Variants in MSH3 observed in about 807,000 individuals in gnomAD.
The protein encoded by MSH3 is mutS homolog 3, also known as DNA mismatch repair protein Msh3.
A neutral mutation model predicts 123.3 loss-of-function variants in MSH3; 106 were observed. The ratio of observed to expected loss-of-function variants is 0.86; its 90% confidence interval spans 0.73 to 1.01. The LOEUF (loss-of-function observed/expected upper bound fraction) is 1.01. Ranked by LOEUF, MSH3 falls within the 50% of genes least tolerant of loss-of-function variation. The probability of loss-of-function intolerance (pLI) is 0.00; values close to 1 mark genes in which losing one functional copy is unlikely to be tolerated. For missense variants in MSH3, 1,459 were observed against 1,347.6 expected, an observed-to-expected ratio of 1.08 and a Z score of -1.29; for synonymous variants, 515 against 481.4, an observed-to-expected ratio of 1.07 and a Z score of -0.91.
intron 23 of MSH3, among the ~76,000 whole-genome samples, chr5:80,874,832 A>C (rs960089520): frequency 6.6e-6 from 1 of 152,240 alleles, no homozygotes; most frequent in African/African-American, 2.4e-5. Context: ...CTAGTAAGTG[A>C]CATTTTGAAC....
intron 3 of MSH3, among the ~76,000 whole-genome samples, chr5:80,666,613 G>A (rs1398398782): frequency 1.3e-5 from 2 of 152,202 alleles, no homozygotes; most frequent in Non-Finnish European, 2.9e-5. Flanking sequence ...CAAGGTCTCA[G>A]AAGAGCGTAT....
chr5:80,694,828 A>T (rs1014360190), intron 8 of MSH3, among the ~76,000 whole-genome samples: 1 of 151,832 alleles, frequency 6.6e-6, no homozygotes, highest in Non-Finnish European at 1.5e-5. Flanking sequence ...TCAGATGAGA[A>T]ATCTACTATC....
At chr5:80,760,753 C>T (rs1397552800) in intron 12 of MSH3, among the ~76,000 whole-genome samples, 1 of 152,208 alleles carries the variant, frequency 6.6e-6, no homozygotes. Flanking sequence ...ACTGTGGGCT[C>T]AGGCTGATGG....
chr5:80,731,320 ACTGAAG>A (rs1743408035), intron 10 of MSH3, among the ~76,000 whole-genome samples: 1 of 152,178 alleles, frequency 6.6e-6, no homozygotes, highest in African/African-American at 2.4e-5. Flanking sequence ...CTCTTGATAA[ACTGAAG>A]CTGAACTTTT....
chr5:80,680,163 G>A (rs1028253611), intron 8 of MSH3, among the ~76,000 whole-genome samples: 4 of 151,886 alleles, frequency 2.6e-5, no homozygotes, highest in Admixed American at 6.6e-5. Context: ...CGGAGGCTGA[G>A]GCAGGATAAT....
intron 21 of MSH3, among the ~76,000 whole-genome samples, chr5:80,860,767 CTCTT>C (rs1291699709): frequency 2.6e-5 from 4 of 152,024 alleles, no homozygotes; most frequent in African/African-American, 9.7e-5. Context: ...GTTTCTTTCT[CTCTT>C]TATTTTCTCT....
intron 7 of MSH3, among the ~76,000 whole-genome samples, chr5:80,676,842 T>G (rs997411056): frequency 6.6e-6 from 1 of 152,246 alleles, no homozygotes; most frequent in Non-Finnish European, 1.5e-5. Flanking sequence ...ACAGAGTTGA[T>G]AGTATATAAT....
Position 80,816,876 on chromosome 5 carries a change from C to T in MSH3, c.2813+3135C>T, listed in dbSNP as rs376948124. ...GAAGAGGATGTTTTTTCATAGATTCCGACGTTATCTTTGTGTATAATAAGT... is the reference window on the plus strand; with the variant it reads ...GAAGAGGATGTTTTTTCATAGATTCTGACGTTATCTTTGTGTATAATAAGT... On this transcript the variant is annotated intron_variant, in intron 20 of 23. Transcript: ENST00000265081. 1.5e-4 allele frequency among the ~76,000 whole-genome samples: 23 copies of T among 152,194 alleles called. No individual in the cohort carries two copies. The East Asian group carries it at 1.7e-3, about 12-fold the overall frequency.
At chr5:80,744,457 G>A in intron 11 of MSH3, 49 bp from the exon 12 acceptor site, 1 of 1,317,390 alleles carries the variant, frequency 7.6e-7, no homozygotes, top group Non-Finnish European at 1.1e-6. Flanking sequence ...TAACAATTTG[G>A]CACAAATAAT....
rs763873895 is a variant in MSH3 at position 80,670,206 on chromosome 5, C to T, written c.689C>T (p.Thr230Met). 1.2e-5 allele frequency: 19 copies of T among 1,613,918 alleles called. No homozygotes were observed. Among genetic ancestry groups the T allele is most frequent in the South Asian group, 5.5e-5 (5 of 91,084 alleles). ...AACAAACGGTCCAAAAGCATCTATA[C>T]GCCGCTAGAATTACAATACATAGAA... ...SANKRSKSIY[T>M]PLELQYIEMK... Residue 230 changes from threonine to methionine, a missense_variant, in exon 4 of 24, where the codon ACG (threonine) becomes ATG (methionine). Physicochemically the swap from Thr to Met is moderately conservative, Grantham distance 81. Coordinates refer to ENST00000265081, the MANE Select transcript of MSH3 (RefSeq NM_002439.5).
intron 2 of MSH3, among the ~76,000 whole-genome samples, chr5:80,661,433 G>T (rs1030456315): frequency 5.3e-5 from 8 of 152,028 alleles, no homozygotes; most frequent in Admixed American, 1.3e-4. Context: ...CTAATCTGCT[G>T]TAAATCTCGT....
At chr5:80,709,209 A>ATGTGTG (rs139977038) in intron 8 of MSH3, among the ~76,000 whole-genome samples, 8,813 of 147,036 alleles carry the variant, frequency 0.06, 380 homozygotes, top group African/African-American at 0.13. Flanking sequence ...TAAAATAGAT[A>ATGTGTG]TGTGTGTGTG....
intron 2 of MSH3, among the ~76,000 whole-genome samples, chr5:80,663,209 T>C (rs1282925402): frequency 6.6e-6 from 1 of 152,118 alleles, no homozygotes; most frequent in Non-Finnish European, 1.5e-5. Context: ...TGAACGAAGG[T>C]TCATTGGTAC....
intron 12 of MSH3, among the ~76,000 whole-genome samples, chr5:80,751,570 TC>T (rs1743840508): frequency 6.6e-6 from 1 of 152,172 alleles, no homozygotes; most frequent in African/African-American, 2.4e-5. Flanking sequence ...CCTTTGGCGT[TC>T]CTTGGCTTGT....
chr5:80,674,512 G>T (rs967028647), intron 6 of MSH3, among the ~76,000 whole-genome samples: 2 of 152,172 alleles, frequency 1.3e-5, no homozygotes, highest in African/African-American at 4.8e-5. Flanking sequence ...CATCATCCAA[G>T]TGATGAAGTG....
At chr5:80,828,061 C>T (rs1432648739) in intron 20 of MSH3, among the ~76,000 whole-genome samples, 1 of 152,104 alleles carries the variant, frequency 6.6e-6, no homozygotes, top group African/African-American at 2.4e-5. Context: ...TACATTGGCA[C>T]ATCATTACCA....
chr5:80,743,843 CAAAAAAA>C lies in MSH3; in HGVS notation c.1654-644_1654-638del, dbSNP rs770547257. Among the ~76,000 whole-genome samples, 10 of 3,538 alleles carry C rather than the reference CAAAAAAA, an allele frequency of 2.8e-3. 1 individual carries two copies. The highest frequency in any genetic ancestry group is 3.3e-3 in the African/African-American group (3 of 908). 2.3% of individuals were successfully genotyped at this position (3,538 alleles called of 152,430 possible). ...TGGGCGACAGAGCGAGACTCCGTCT[CAAAAAAA>C]AAAAAAAAAAAAAAAAAACCCAACT... is the stretch of plus-strand genomic sequence containing the variant. On this transcript the variant is annotated intron_variant, in intron 11 of 23. Transcript: ENST00000265081.
rs767303433 is a variant in MSH3 at position 80,672,376 on chromosome 5, A to T, written c.909+16A>T. 6.4e-7 allele frequency: 1 copy of T among 1,572,592 alleles called. No individual in the cohort carries two copies. Among genetic ancestry groups the T allele is most frequent in the Non-Finnish European group, 8.8e-7 (1 of 1,142,232 alleles). The stretch of plus-strand genomic sequence containing the variant: ...AGGATATAAGGTCAGCTTTGGCTTT[A>T]ACTTGTGGGGAAAGGAAATTGGGAT... On this transcript the variant is annotated intron_variant, in intron 5 of 23. Coordinates refer to ENST00000265081, the MANE Select transcript of MSH3 (RefSeq NM_002439.5).
intron 21 of MSH3, among the ~76,000 whole-genome samples, chr5:80,854,570 T>C (rs1267500692): frequency 2.0e-5 from 3 of 152,202 alleles, no homozygotes; most frequent in Non-Finnish European, 4.4e-5. Context: ...CATAATACCG[T>C]TATGCAATCC....
Sources: gnomAD v4.1 joint callset for allele counts (sites outside exome capture counted in the v4.1 genomes callset) on GRCh38, gnomAD v4.1.1 for gene constraint, MANE v1.5 for transcripts, NCBI Gene and HGNC (gene_info 2026-07-23, HGNC 2026-07-21) for gene names.